The following RDH16 variants were observed in gnomAD, a reference collection of about 807,000 sequenced individuals.
RDH16 encodes the protein human epidermal retinol dehydrogenase.
RDH16 carries 25 observed loss-of-function variants against 22.3 expected under a neutral mutation model. The ratio of observed to expected loss-of-function variants is 1.12; its 90% CI spans 0.82 to 1.56. The LOEUF (loss-of-function observed/expected upper bound fraction) is 1.56. RDH16 is among the 40% of genes most tolerant of loss of function. The pLI, the probability that RDH16 is intolerant of heterozygous loss-of-function variation, is 0.00. For missense variants in RDH16, 413 were observed against 394.9 expected, an observed-to-expected ratio of 1.05 and a Z score of -0.39; for synonymous variants, 154 against 164.4, an observed-to-expected ratio of 0.94 and a Z score of 0.48.
Position 56,955,087 on chromosome 12 carries a change from C to T in RDH16, c.391G>A (p.Val131Met), listed in dbSNP as rs141418155. 106 of 1,614,136 alleles carry T rather than the reference C, an allele frequency of 6.6e-5. 1 individual carries two copies. In the African/African-American group the frequency reaches 9.3e-4, roughly 14 times the overall value. Residue 131 changes from valine to methionine, a missense_variant, in exon 2 of 4, where the codon GTG becomes ATG. Physicochemically the swap from Val to Met is conservative, Grantham distance 21 (BLOSUM62 1). Coordinates refer to ENST00000398138, the MANE Select transcript of RDH16 (RefSeq NM_003708.5). ...PNELLTKQDF[V>M]TILDVNLLGV... ...AACAAGTTCACGTCCAGTATGGTCA[C>T]GAAGTCCTGCTTGGTGAGCAACTCA...
chr12:56,957,183 C>T lies in RDH16; in HGVS notation c.280G>A (p.Ala94Thr), dbSNP rs202131585. The change falls in exon 1 of 4, where the codon GCC becomes ACC. Residue 94 changes from alanine (A) to threonine (T), a missense_variant. Coordinates refer to ENST00000398138, the MANE Select transcript of RDH16 (RefSeq NM_003708.5). ...VTKTESVAAA[A>T]QWVKECVRDK... is the part of the protein sequence containing the mutation. ...CTCACGCACTCCTTCACCCACTGGG[C>T]GGCTGCAGCAACGCTCTCTGTCTTG... 6.8e-5 allele frequency: 109 copies of T among 1,613,188 alleles called. No homozygotes were observed. Among genetic ancestry groups the T allele is most frequent in the East Asian group, 2.5e-4 (11 of 44,842 alleles).
In RDH16 at chr12:56,955,245, A is replaced by C. The variant is rs555924196; in HGVS notation, c.314-81T>G. 268 of 1,532,978 alleles carry C rather than the reference A, an allele frequency of 1.7e-4. 2 individuals are homozygous for C. The South Asian group carries it at 3.0e-3, about 17-fold the overall frequency. The allele number at this position is 1,532,978 out of a possible 1,614,324, so 95.0% of individuals were successfully genotyped here. A position where few individuals can be genotyped will look rare whatever the true frequency, so the allele number is the denominator to read the frequency against. On this transcript the variant is annotated intron_variant, in intron 1 of 3. Transcript: ENST00000398138. ...AGAGTTAGGGTGCAAATCACATCCC[A>C]ATAAAGTGAGGGCAGACTGACAGGT...
At position 56,952,828 on chromosome 12, in the gene RDH16, G is replaced by A. The variant is rs752945278; in HGVS notation, c.735C>T (p.Asp245=). The A allele has an allele frequency of 5.6e-6, 9 of 1,612,434 alleles. 1 individual carries two copies. The highest frequency in any genetic ancestry group is 5.1e-6 in the Non-Finnish European group (6 of 1,179,298). The part of the protein sequence containing the change: ...KEAYGEKFVA[D]YKKSAEQMEQ... ...CCCCACTGTCCACAGCTTACTCACA[G>A]TCTGCAACAAACTTCTCGCCATAGG... The change falls in exon 3 of 4, where the codon GAC becomes GAT. Residue 245 remains aspartate (D), a splice_region_variant and synonymous_variant. Coordinates refer to ENST00000398138, the MANE Select transcript of RDH16 (RefSeq NM_003708.5).
intron 1 of RDH16, 28 bp from the exon 2 acceptor site, chr12:56,955,192 T>A (rs1419228662): frequency 6.2e-7 from 1 of 1,613,032 alleles, no homozygotes; most frequent in South Asian, 1.1e-5. Context: ...TGAGAGAGCA[T>A]CACTGTGTTG....
intron 2 of RDH16, among the ~76,000 whole-genome samples, chr12:56,953,586 C>T (rs758439008): frequency 6.6e-6 from 1 of 152,234 alleles, no homozygotes; most frequent in Admixed American, 6.5e-5. Flanking sequence ...CCACCTATGA[C>T]CACCTGCCCA....
chr12:56,957,407 C>T lies in RDH16; in HGVS notation c.56G>A (p.Arg19Gln), dbSNP rs199814447. Residue 19 changes from arginine (R) to glutamine (Q), a missense_variant, in exon 1 of 4, where the codon CGG becomes CAG. Physicochemically the swap from Arg to Gln is conservative, Grantham distance 43 (BLOSUM62 1). Transcript: ENST00000398138. ...CAGGTGGCTCAGCACCTGCCTCTCC[C>T]GGTACCAGTGCAGAAGGTAGTACAG... ...VGLYYLLHWY[R>Q]ERQVLSHLRD... 7.9e-5 allele frequency: 127 copies of T among 1,614,134 alleles called. 2 individuals carry two copies. In the Middle Eastern group the frequency reaches 9.9e-4, roughly 13 times the overall value.
chr12:56,954,990 G>C lies in RDH16; in HGVS notation c.488C>G (p.Ser163Cys), dbSNP rs534703097. The part of the protein sequence containing the change: ...RRARGRVVNV[S>C]SVMGRVSLFG... Reference sequence around the variant, plus strand: ...AAGTGACACCCGGCCCATGACACTGGAGACGTTGACCACACGGCCCCTGGC... The same window carrying C: ...AAGTGACACCCGGCCCATGACACTGCAGACGTTGACCACACGGCCCCTGGC... The change falls in exon 2 of 4, where the codon TCC becomes TGC. Residue 163 changes from serine (S) to cysteine (C), a missense_variant. Ser to Cys is a moderately radical substitution (Grantham distance 112). Coordinates refer to ENST00000398138, the MANE Select transcript of RDH16 (RefSeq NM_003708.5). The C allele has an allele frequency of 6.2e-7, 1 of 1,614,188 alleles. No homozygotes were observed. The highest frequency in any genetic ancestry group is 2.2e-5 in the East Asian group (1 of 44,878).
In RDH16 at chr12:56,954,977, G is replaced by A; in HGVS notation, c.501C>T (p.Gly167=). The part of the protein sequence containing the change: ...GRVVNVSSVM[G]RVSLFGGGYC... Reference sequence around the variant, plus strand: ...AGCCTCCACCAAAAAGTGACACCCGGCCCATGACACTGGAGACGTTGACCA... The same window carrying A: ...AGCCTCCACCAAAAAGTGACACCCGACCCATGACACTGGAGACGTTGACCA... The change falls in exon 2 of 4, where the codon GGC becomes GGT. Residue 167 remains glycine, a synonymous_variant. Coordinates refer to ENST00000398138, the MANE Select transcript of RDH16 (RefSeq NM_003708.5). 6.2e-7 allele frequency: 1 copy of A among 1,614,136 alleles called. No individual in the cohort carries two copies. The highest frequency in any genetic ancestry group is 8.5e-7 in the Non-Finnish European group (1 of 1,180,026).
At chr12:56,954,540 A>G (rs1955909299) in intron 2 of RDH16, among the ~76,000 whole-genome samples, 1 of 152,186 alleles carries the variant, frequency 6.6e-6, no homozygotes, top group African/African-American at 2.4e-5. Flanking sequence ...ATTGATACAC[A>G]GTGTTCCCCT....
chr12:56,952,242 C>A lies in RDH16; in HGVS notation c.741G>T (p.Lys247Asn). 1.2e-6 allele frequency: 2 copies of A among 1,613,830 alleles called. No individual in the cohort carries two copies. The highest frequency in any genetic ancestry group is 2.2e-5 in the East Asian group (1 of 44,872). Residue 247 changes from lysine to asparagine, a missense_variant, in exon 4 of 4, where the codon AAG becomes AAT. By Grantham distance (94) the Lys-to-Asn change is moderately conservative. Coordinates refer to ENST00000398138, the MANE Select transcript of RDH16 (RefSeq NM_003708.5). ...AYGEKFVADY[K>N]KSAEQMEQKC... ...TCTGCTCCATTTGTTCAGCTGATTT[C>A]TTATCTGTTAAGAATCAGAAACAAT...
In RDH16 at chr12:56,954,975, C is replaced by A; in HGVS notation, c.503G>T (p.Arg168Leu). ...RVVNVSSVMGRVSLFGGGYCI... is the reference protein window; with the variant it reads ...RVVNVSSVMGLVSLFGGGYCI... ...GTAGCCTCCACCAAAAAGTGACACC[C>A]GGCCCATGACACTGGAGACGTTGAC... Residue 168 changes from arginine (R) to leucine (L), a missense_variant, in exon 2 of 4, where the codon CGG becomes CTG. Arg to Leu is a moderately radical substitution (Grantham distance 102). Transcript: ENST00000398138. 1.2e-6 allele frequency: 2 copies of A among 1,614,154 alleles called. 1 individual carries two copies. The highest frequency in any genetic ancestry group is 2.2e-5 in the South Asian group (2 of 91,074).
rs1383333672 is a variant in RDH16, at chr12:56,952,830, C to G, written c.733G>C (p.Asp245His). 1.9e-6 allele frequency: 3 copies of G among 1,612,510 alleles called. No homozygotes were observed. The highest frequency in any genetic ancestry group is 1.1e-5 in the South Asian group (1 of 90,726). Reference sequence around the variant, plus strand: ...CCACTGTCCACAGCTTACTCACAGTCTGCAACAAACTTCTCGCCATAGGCC... The same window carrying G: ...CCACTGTCCACAGCTTACTCACAGTGTGCAACAAACTTCTCGCCATAGGCC... ...KEAYGEKFVA[D>H]YKKSAEQMEQ... is the part of the protein sequence containing the mutation. The change falls in exon 3 of 4, where the codon GAC becomes CAC. Residue 245 changes from aspartate (D) to histidine (H), a missense_variant. By Grantham distance (81) the Asp-to-His change is moderately conservative. Coordinates refer to ENST00000398138, the MANE Select transcript of RDH16 (RefSeq NM_003708.5).
chr12:56,952,136 C>T lies in RDH16; in HGVS notation c.847G>A (p.Ala283Thr). 6.2e-7 allele frequency: 1 copy of T among 1,614,156 alleles called. No individual in the cohort carries two copies. The highest frequency in any genetic ancestry group is 8.5e-7 in the Non-Finnish European group (1 of 1,180,026). Reference protein sequence around the residue: ...IACHPRTRYSAGWDAKLLYLP... With the variant: ...IACHPRTRYSTGWDAKLLYLP... ...TAGAGAAGCTTGGCATCCCAGCCAG[C>T]TGAGTAGCGAGTACGGGGGTGGCAG... Residue 283 changes from alanine to threonine, a missense_variant, in exon 4 of 4, where the codon GCT becomes ACT. Transcript: ENST00000398138.
Position 56,952,824 on chromosome 12 carries a change from C to A in RDH16, c.736+3G>T. 6.2e-7 allele frequency: 1 copy of A among 1,612,096 alleles called. No individual in the cohort carries two copies. Among genetic ancestry groups the A allele is most frequent in the Non-Finnish European group, 8.5e-7 (1 of 1,179,120 alleles). The stretch of plus-strand genomic sequence containing the variant: ...CTCTCCCCACTGTCCACAGCTTACT[C>A]ACAGTCTGCAACAAACTTCTCGCCA... On this transcript the variant is annotated splice_donor_region_variant and intron_variant, in intron 3 of 3. Coordinates refer to ENST00000398138, the MANE Select transcript of RDH16 (RefSeq NM_003708.5).
intron 1 of RDH16, 25 bp from the exon 2 acceptor site, chr12:56,955,189 G>A: frequency 6.2e-7 from 1 of 1,613,110 alleles, no homozygotes; most frequent in South Asian, 1.1e-5. Flanking sequence ...AGATGAGAGA[G>A]CATCACTGTG....
intron 2 of RDH16, 116 bp downstream of exon 2, chr12:56,954,790 G>A (rs545942055): frequency 1.8e-6 from 2 of 1,098,830 alleles, no homozygotes; most frequent in Admixed American, 2.3e-5. Flanking sequence ...CATGAAGACA[G>A]AGAGTGATCT....
Position 56,957,442 on chromosome 12 carries a change from A to G in RDH16, c.21T>C (p.Val7=). The part of the protein sequence containing the change: MWLYLA[V]FVGLYYLLHW... ...GCAGAAGGTAGTACAGGCCCACGAAAACCGCCAGGTAGAGCCACATGGCTT... is the reference window on the plus strand; with the variant it reads ...GCAGAAGGTAGTACAGGCCCACGAAGACCGCCAGGTAGAGCCACATGGCTT... The change falls in exon 1 of 4, where the codon GTT becomes GTC. Residue 7 remains valine (V), a synonymous_variant. Transcript: ENST00000398138. The G allele has an allele frequency of 6.2e-7, 1 of 1,612,554 alleles. No individual in the cohort carries two copies. The highest frequency in any genetic ancestry group is 2.2e-5 in the East Asian group (1 of 44,838).
Position 56,957,302 on chromosome 12 carries a change from A to G in RDH16, c.161T>C (p.Leu54Ser). The G allele has an allele frequency of 1.9e-6, 3 of 1,614,180 alleles. No homozygotes were observed. The highest frequency in any genetic ancestry group is 2.5e-6 in the Non-Finnish European group (3 of 1,180,034). Residue 54 changes from leucine (L) to serine (S), a missense_variant, in exon 1 of 4, where the codon TTG (leucine) becomes TCG (serine). Coordinates refer to ENST00000398138, the MANE Select transcript of RDH16 (RefSeq NM_003708.5). ...LLARQLDARG[L>S]RVLAACLTEK... ...CGTCAGACATGCAGCCAGCACCCGC[A>G]AGCCTCGTGCATCCAGCTGTCTGGC...
chr12:56,953,064 C>T, intron 2 of RDH16, 74 bp from the exon 3 acceptor site: 1 of 1,357,260 alleles, frequency 7.4e-7, no homozygotes, highest in Middle Eastern at 1.9e-4. Context: ...AAAAGTAAAA[C>T]TATGATATCA....
Sources: allele counts gnomAD v4.1 joint callset (sites outside exome capture counted in the v4.1 genomes callset), GRCh38; gene constraint gnomAD v4.1.1; transcripts MANE v1.5; gene names NCBI Gene and HGNC (gene_info 2026-07-23, HGNC 2026-07-21).